The following SGCZ variants were observed in gnomAD, a reference collection of about 807,000 sequenced individuals.
SGCZ encodes sarcoglycan zeta.
In SGCZ, 40 loss-of-function variants were observed where a neutral mutation model predicts 41.3. That is an observed-to-expected ratio of 0.97 (90% confidence interval 0.75 to 1.26). The LOEUF is 1.26. Among genes scored for constraint, SGCZ ranks in the 50% most tolerant of loss-of-function variants. The pLI is 0.00. For synonymous variants in SGCZ, 206 were observed against 137.5 expected (o/e 1.50, Z -3.49); for missense variants, 552 against 369.8 (o/e 1.49, Z -4.04).
chr8:14,927,099 ATTCTT>A (rs1309303844), intron 1 of SGCZ, among the ~76,000 whole-genome samples: 6 of 129,680 alleles, frequency 4.6e-5, no homozygotes, highest in African/African-American at 1.7e-4. Context: ...AAAGTTCCTG[ATTCTT>A]TTTTTTTTTT....
At chr8:14,701,287 C>T (rs1809128423) in intron 1 of SGCZ, among the ~76,000 whole-genome samples, 1 of 151,998 alleles carries the variant, frequency 6.6e-6, no homozygotes, top group African/African-American at 2.4e-5. Context: ...TTATAAACCA[C>T]TTTGGAAAAA....
At chr8:14,342,975 C>T (rs1030803238) in intron 2 of SGCZ, among the ~76,000 whole-genome samples, 42 of 152,236 alleles carry the variant, frequency 2.8e-4, no homozygotes, top group African/African-American at 1.0e-3. Context: ...GATTTGGTGC[C>T]CTGTGTCCCA....
chr8:14,297,390 T>A (rs1443341621), intron 3 of SGCZ, among the ~76,000 whole-genome samples: 1 of 151,192 alleles, frequency 6.6e-6, no homozygotes, highest in Non-Finnish European at 1.5e-5. Flanking sequence ...GCAAAATAAA[T>A]ATATAGAAAT....
At chr8:14,740,038 G>C (rs2244122) in intron 1 of SGCZ, among the ~76,000 whole-genome samples, 1 of 151,656 alleles carries the variant, frequency 6.6e-6, no homozygotes. Flanking sequence ...TCTTTATTCT[G>C]TGGGGATGGG....
At chr8:14,846,951 A>G (rs1272786856) in intron 1 of SGCZ, among the ~76,000 whole-genome samples, 2 of 152,054 alleles carry the variant, frequency 1.3e-5, no homozygotes, top group Non-Finnish European at 2.9e-5. Flanking sequence ...ACATGCCTGT[A>G]ATCCCAGCTA....
At chr8:14,866,718 G>C (rs996071503) in intron 1 of SGCZ, among the ~76,000 whole-genome samples, 1 of 152,016 alleles carries the variant, frequency 6.6e-6, no homozygotes, top group African/African-American at 2.4e-5. Flanking sequence ...GTTGAGGTGG[G>C]AGGATAGCCT....
At chr8:14,272,026 T>C (rs946247105) in intron 3 of SGCZ, among the ~76,000 whole-genome samples, 4 of 152,162 alleles carry the variant, frequency 2.6e-5, no homozygotes, top group Non-Finnish European at 5.9e-5. Context: ...ATTTTTAAGA[T>C]GGAGTCTCAT....
intron 1 of SGCZ, among the ~76,000 whole-genome samples, chr8:15,149,487 C>G (rs7007630): frequency 0.015 from 2,314 of 152,226 alleles, 44 homozygotes; most frequent in African/African-American, 0.052. Context: ...TGTAGCCCTG[C>G]TTTTTGCATT....
At chr8:15,011,234 G>C (rs1179296219) in intron 1 of SGCZ, among the ~76,000 whole-genome samples, 1 of 151,446 alleles carries the variant, frequency 6.6e-6, no homozygotes, top group Non-Finnish European at 1.5e-5. Context: ...TTTTTAACTG[G>C]ATATTTTGGT....
intron 1 of SGCZ, among the ~76,000 whole-genome samples, chr8:15,226,149 T>G (rs1377499337): frequency 6.6e-6 from 1 of 152,188 alleles, no homozygotes; most frequent in Non-Finnish European, 1.5e-5. Context: ...TTCAAATATC[T>G]TGGCCTGTCT....
At chr8:14,655,986 C>T (rs754219629) in intron 1 of SGCZ, among the ~76,000 whole-genome samples, 1 of 152,096 alleles carries the variant, frequency 6.6e-6, no homozygotes, top group East Asian at 1.9e-4. Flanking sequence ...GTAGCACAGG[C>T]TGTTGAACTA....
At chr8:14,188,832 TTG>T (rs72370383) in intron 4 of SGCZ, among the ~76,000 whole-genome samples, 12,278 of 37,438 alleles carry the variant, frequency 0.33, 649 homozygotes, top group African/African-American at 0.48. Flanking sequence ...TTGTTTTTTT[TTG>T]TTTGTTTGTT....
At chr8:14,829,233 C>CCAACA (rs375517040) in intron 1 of SGCZ, among the ~76,000 whole-genome samples, 1 of 151,806 alleles carries the variant, frequency 6.6e-6, no homozygotes, top group African/African-American at 2.4e-5. Flanking sequence ...ATATTGTTGC[C>CCAACA]GTCTATATAT....
At chr8:14,818,305 A>G (rs555988115) in intron 1 of SGCZ, among the ~76,000 whole-genome samples, 2 of 152,260 alleles carry the variant, frequency 1.3e-5, no homozygotes, top group East Asian at 3.9e-4. Flanking sequence ...ACCCCAAGCA[A>G]TACTGTGCCA....
chr8:14,108,763 A>T (rs1472123388), intron 5 of SGCZ, among the ~76,000 whole-genome samples: 1 of 152,196 alleles, frequency 6.6e-6, no homozygotes, highest in East Asian at 1.9e-4. Context: ...GGAAGAGTCA[A>T]TCAAGGTAAA....
At chr8:15,093,996 G>C (rs2131067611) in intron 1 of SGCZ, among the ~76,000 whole-genome samples, 1 of 152,258 alleles carries the variant, frequency 6.6e-6, no homozygotes, top group Non-Finnish European at 1.5e-5. Flanking sequence ...AACAATACCT[G>C]CTAGTGGGGG....
At chr8:14,134,182 G>A (rs1350590196) in intron 5 of SGCZ, among the ~76,000 whole-genome samples, 1 of 152,048 alleles carries the variant, frequency 6.6e-6, no homozygotes, top group Non-Finnish European at 1.5e-5. Flanking sequence ...TTCTTGACAG[G>A]AGAAAACTTC....
chr8:15,172,805 A>G (rs1437012977), intron 1 of SGCZ, among the ~76,000 whole-genome samples: 48 of 152,342 alleles, frequency 3.2e-4, no homozygotes. Flanking sequence ...TTAAAAAATT[A>G]TGCAATACCA....
At chr8:14,621,635 C>T (rs892886292) in intron 1 of SGCZ, among the ~76,000 whole-genome samples, 5 of 152,052 alleles carry the variant, frequency 3.3e-5, no homozygotes, top group Non-Finnish European at 7.4e-5. Flanking sequence ...GCTTATACAT[C>T]TTCACAATGG....
Sources: gnomAD v4.1 joint callset for allele counts (sites outside exome capture counted in the v4.1 genomes callset) on GRCh38, gnomAD v4.1.1 for gene constraint, MANE v1.5 for transcripts, NCBI Gene and HGNC (gene_info 2026-07-23, HGNC 2026-07-21) for gene names.